TENM2: variants seen among roughly 807,000 people sequenced by gnomAD.
The protein encoded by TENM2 is teneurin-2.
TENM2 carries 52 observed loss-of-function variants against 245.2 expected under a neutral mutation model. The observed-to-expected ratio is 0.21, with a 90% confidence interval of 0.17 to 0.27. The LOEUF (loss-of-function observed/expected upper bound fraction) is 0.27. Among genes scored for constraint, TENM2 ranks in the 10% least tolerant of loss-of-function variants. The pLI is 1.00. For missense variants in TENM2, 3,046 were observed against 3,666.8 expected (o/e 0.83, Z 4.37); for synonymous variants, 1,363 against 1,438.9 (o/e 0.95, Z 1.19).
At chr5:167,030,011 A>G in the TENM2 span, among the ~76,000 whole-genome samples, 68 of 152,302 alleles carry the variant, frequency 4.5e-4, no homozygotes, top group East Asian at 0.013. Context: ...TGATTTTGAC[A>G]AAAGCAGTCA....
At chr5:167,493,332 C>A (rs900208380) in intron 2 of TENM2, among the ~76,000 whole-genome samples, 1 of 151,942 alleles carries the variant, frequency 6.6e-6, no homozygotes, top group Non-Finnish European at 1.5e-5. Context: ...TGAGAAACAC[C>A]ATCAGGCCAT....
At chr5:167,862,268 T>C (rs544679107) in intron 2 of TENM2, among the ~76,000 whole-genome samples, 18 of 150,842 alleles carry the variant, frequency 1.2e-4, no homozygotes, top group South Asian at 4.2e-4. Flanking sequence ...TGTGTGTGTG[T>C]GCATATGTAC....
At chr5:168,001,551 T>G (rs1374837079) in intron 5 of TENM2, among the ~76,000 whole-genome samples, 17 of 152,262 alleles carry the variant, frequency 1.1e-4, no homozygotes, top group Non-Finnish European at 2.2e-4. Context: ...AAATTAGGTC[T>G]CTGTACACAA....
Position 168,098,178 on chromosome 5 carries a change from C to T in TENM2, c.1813+51C>T. ...GGTTGGAAAACAGACCCTCCCTAGG[C>T]TTCTCTGAGCGGGTAACAGAAGGGA... is the stretch of plus-strand genomic sequence containing the variant. On this transcript the variant is annotated intron_variant, in intron 9 of 28. Coordinates refer to ENST00000518659, the Ensembl canonical transcript of TENM2. 6 of 1,332,338 alleles carry T rather than the reference C, an allele frequency of 4.5e-6. No homozygotes were observed. The South Asian group carries it at 6.1e-5, about 14-fold the overall frequency. 82.5% of individuals were successfully genotyped at this position (1,332,338 alleles called of 1,614,324 possible).
chr5:168,050,927 G>A (rs1789029355), intron 6 of TENM2, among the ~76,000 whole-genome samples: 1 of 152,178 alleles, frequency 6.6e-6, no homozygotes, highest in Non-Finnish European at 1.5e-5. Flanking sequence ...CAGTCTGCCA[G>A]AATCACTCAC....
intron 2 of TENM2, among the ~76,000 whole-genome samples, chr5:167,405,857 G>A (rs66716755): frequency 0.38 from 57,371 of 151,288 alleles, 13,196 homozygotes; most frequent in Non-Finnish European, 0.49. Context: ...CCATTTCATA[G>A]CATTATCTGT....
the TENM2 span, among the ~76,000 whole-genome samples, chr5:167,265,056 G>A: frequency 6.6e-6 from 1 of 152,014 alleles, no homozygotes; most frequent in South Asian, 2.1e-4. Flanking sequence ...GGCCGGGAGC[G>A]ATGGCTCATG....
the TENM2 span, among the ~76,000 whole-genome samples, chr5:167,070,107 A>ATATTTATTTATTTATTTATT: frequency 1.3e-4 from 7 of 54,962 alleles, 1 homozygote; most frequent in Non-Finnish European, 9.1e-5. Flanking sequence ...CATTTGACAA[A>ATATTTATTTATTTATTTATT]TATTTATTTA....
chr5:168,208,029 A>C (rs1163206241), intron 19 of TENM2, among the ~76,000 whole-genome samples: 2 of 152,140 alleles, frequency 1.3e-5, no homozygotes, highest in East Asian at 3.9e-4. Context: ...TGCCCATTCC[A>C]AGTGGTCTTT....
chr5:167,695,347 A>T (rs1334412357), intron 2 of TENM2, among the ~76,000 whole-genome samples: 1 of 152,218 alleles, frequency 6.6e-6, no homozygotes. Flanking sequence ...GGCACCAAAA[A>T]AACTTTTATG....
At chr5:167,072,962 G>T in the TENM2 span, among the ~76,000 whole-genome samples, 22,345 of 152,150 alleles carry the variant, frequency 0.15, 2,329 homozygotes, top group East Asian at 0.35. Context: ...CATCATCGTT[G>T]AAGGATAACA....
At chr5:168,013,504 T>C (rs1785422730) in intron 5 of TENM2, among the ~76,000 whole-genome samples, 1 of 152,148 alleles carries the variant, frequency 6.6e-6, no homozygotes, top group Non-Finnish European at 1.5e-5. Flanking sequence ...CCCAGGAGGC[T>C]GAGGCAGGAG....
chr5:166,987,231 C>G, the TENM2 span, among the ~76,000 whole-genome samples: 1 of 152,072 alleles, frequency 6.6e-6, no homozygotes, highest in Non-Finnish European at 1.5e-5. Context: ...TGGTTTTTCT[C>G]TTGTCAGTCA....
chr5:167,923,003 C>T (rs762283711), intron 3 of TENM2, among the ~76,000 whole-genome samples: 1 of 152,228 alleles, frequency 6.6e-6, no homozygotes, highest in Non-Finnish European at 1.5e-5. Flanking sequence ...TGCTTCCCCC[C>T]AGTGCCTCTG....
chr5:167,401,827 T>C (rs904150984), intron 2 of TENM2, among the ~76,000 whole-genome samples: 2 of 152,076 alleles, frequency 1.3e-5, no homozygotes, highest in Non-Finnish European at 2.9e-5. Context: ...ATAGTTAGGG[T>C]TGTTTTCAGT....
intron 2 of TENM2, among the ~76,000 whole-genome samples, chr5:167,504,992 C>T (rs1190132152): frequency 6.6e-6 from 1 of 152,104 alleles, no homozygotes; most frequent in Non-Finnish European, 1.5e-5. Context: ...GGTGGTTTCC[C>T]TCTTTCTGCC....
chr5:167,758,565 C>T (rs1762455558), intron 2 of TENM2, among the ~76,000 whole-genome samples: 1 of 152,140 alleles, frequency 6.6e-6, no homozygotes, highest in Admixed American at 6.5e-5. Context: ...CCAGGTAGCC[C>T]TCTCCATACA....
the TENM2 span, among the ~76,000 whole-genome samples, chr5:167,217,189 A>G: frequency 6.6e-6 from 1 of 152,174 alleles, no homozygotes; most frequent in East Asian, 1.9e-4. Context: ...TTCCTAATAT[A>G]TTTGCCTCAT....
At chr5:168,201,192 G>A (rs1761908429) in intron 17 of TENM2, among the ~76,000 whole-genome samples, 1 of 151,986 alleles carries the variant, frequency 6.6e-6, no homozygotes, top group Admixed American at 6.6e-5. Flanking sequence ...TCAGTGAGTG[G>A]TGTTAACTTA....
Sources: gnomAD v4.1 joint callset for allele counts (sites outside exome capture counted in the v4.1 genomes callset) on GRCh38, gnomAD v4.1.1 for gene constraint, MANE v1.5 for transcripts, NCBI Gene and HGNC (gene_info 2026-07-23, HGNC 2026-07-21) for gene names.